The following ANKS1B variants were observed in gnomAD, a reference collection of about 807,000 sequenced individuals.
The protein encoded by ANKS1B is ankyrin repeat and sterile alpha motif domain containing 1B.
A neutral mutation model predicts 148.3 loss-of-function variants in ANKS1B; 36 were observed. That is an observed-to-expected ratio of 0.24 (90% CI 0.19 to 0.32). The LOEUF is 0.32. ANKS1B is among the 10% of genes least tolerant of loss of function. The pLI is 1.00. For missense variants in ANKS1B, 1,157 were observed against 1,542.6 expected (o/e 0.75, Z 4.19); for synonymous variants, 542 against 560.8 (o/e 0.97, Z 0.47).
chr12:99,581,897 CAAAA>C (rs369048602), intron 9 of ANKS1B, among the ~76,000 whole-genome samples: 2 of 60,760 alleles, frequency 3.3e-5, no homozygotes. Flanking sequence ...GACTCCGTCT[CAAAA>C]AAAAAAAAAA....
chr12:99,944,818 C>G (rs922831744), intron 1 of ANKS1B, among the ~76,000 whole-genome samples: 1 of 151,994 alleles, frequency 6.6e-6, no homozygotes, highest in Non-Finnish European at 1.5e-5. Context: ...TGCCTTCTTG[C>G]TAGGGATTGC....
chr12:99,598,992 A>G (rs2153276238), intron 9 of ANKS1B, among the ~76,000 whole-genome samples: 1 of 152,064 alleles, frequency 6.6e-6, no homozygotes, highest in South Asian at 2.1e-4. Flanking sequence ...GCTTCTGGTG[A>G]CTGCCAGCAT....
intron 9 of ANKS1B, among the ~76,000 whole-genome samples, chr12:99,570,599 A>T (rs1375795287): frequency 1.3e-5 from 2 of 150,416 alleles, no homozygotes; most frequent in African/African-American, 4.9e-5. Flanking sequence ...GTGAGCTAAG[A>T]TTGGCCACTG....
At chr12:99,265,331 G>A (rs1314175633) in intron 12 of ANKS1B, among the ~76,000 whole-genome samples, 1 of 152,146 alleles carries the variant, frequency 6.6e-6, no homozygotes, top group African/African-American at 2.4e-5. Flanking sequence ...CACTAGAAAT[G>A]CATATTCTTA....
Position 98,801,142 on chromosome 12 carries a change from T to C in ANKS1B, c.3142-17A>G. 1.2e-6 allele frequency: 2 copies of C among 1,610,678 alleles called. No individual in the cohort carries two copies. The highest frequency in any genetic ancestry group is 1.7e-6 in the Non-Finnish European group (2 of 1,178,294). On this transcript the variant is annotated splice_polypyrimidine_tract_variant and intron_variant, in intron 20 of 26. Transcript: ENST00000683438. This position sits in a 1 kb window ranked among gnomAD's most constrained non-coding sequence, Gnocchi z 5.2. ...GTCTCCTGTCTGAAAATGACATTTATTCTAGAGGCAATATGAGCAGTCAGC... is the reference window on the plus strand; with the variant it reads ...GTCTCCTGTCTGAAAATGACATTTACTCTAGAGGCAATATGAGCAGTCAGC...
intron 17 of ANKS1B, among the ~76,000 whole-genome samples, chr12:98,944,302 C>CAAAAAAAAAA (rs11313441): frequency 1.1e-5 from 1 of 88,042 alleles, no homozygotes; most frequent in African/African-American, 4.1e-5. Flanking sequence ...CTCCACCTCA[C>CAAAAAAAAAA]AAAAAAAAAA....
intron 1 of ANKS1B, among the ~76,000 whole-genome samples, chr12:99,958,243 C>T (rs1157155631): frequency 6.6e-6 from 1 of 152,038 alleles, no homozygotes; most frequent in Non-Finnish European, 1.5e-5. Flanking sequence ...GGAATTGAGT[C>T]GGGTTGGAGA....
At chr12:99,735,717 T>C (rs1332109784) in intron 8 of ANKS1B, among the ~76,000 whole-genome samples, 5 of 148,440 alleles carry the variant, frequency 3.4e-5, no homozygotes, top group African/African-American at 1.2e-4. Flanking sequence ...CCTCAAACTA[T>C]TCCAAAAAAA....
At chr12:99,612,313 A>G (rs1321440301) in intron 9 of ANKS1B, among the ~76,000 whole-genome samples, 1 of 152,166 alleles carries the variant, frequency 6.6e-6, no homozygotes, top group Non-Finnish European at 1.5e-5. Context: ...AACAACCACC[A>G]CCACAAAATA....
intron 17 of ANKS1B, among the ~76,000 whole-genome samples, chr12:98,990,033 A>C (rs1271375965): frequency 6.6e-6 from 1 of 152,104 alleles, no homozygotes; most frequent in African/African-American, 2.4e-5. Flanking sequence ...AAAGAAAGAA[A>C]AACAGAAAGA....
chr12:99,846,913 A>C (rs2086756511), intron 1 of ANKS1B, among the ~76,000 whole-genome samples: 1 of 152,062 alleles, frequency 6.6e-6, no homozygotes, highest in African/African-American at 2.4e-5. Context: ...CTCCCCTCCC[A>C]TAGGTGTAGA....
chr12:99,512,911 A>G (rs7309073), intron 9 of ANKS1B, among the ~76,000 whole-genome samples: 37,509 of 151,784 alleles, frequency 0.25, 5,166 homozygotes, highest in African/African-American at 0.38. Context: ...GGAGGCAGGG[A>G]GAGGAGACCG....
rs1368946805 is a variant in ANKS1B, at chr12:99,213,811, G to A, written c.2419+30531C>T. Among the ~76,000 whole-genome samples, 5 of 152,162 alleles carry A rather than the reference G, an allele frequency of 3.3e-5. No homozygotes were observed. In the South Asian group the frequency reaches 1.0e-3, roughly 31 times the overall value. On this transcript the variant is annotated intron_variant, in intron 14 of 26. Transcript: ENST00000683438. ...AATAGCAGTCATCATAGTTGTTTCT[G>A]CCTTCACCTGAGTATCAAATACACC...
At chr12:99,614,959 C>G (rs2097939828) in intron 9 of ANKS1B, among the ~76,000 whole-genome samples, 1 of 150,804 alleles carries the variant, frequency 6.6e-6, no homozygotes, top group Admixed American at 6.6e-5. Context: ...CAAGAAATCT[C>G]AAGGATCTCC....
At chr12:99,921,453 G>A (rs2094349808) in intron 1 of ANKS1B, among the ~76,000 whole-genome samples, 1 of 152,126 alleles carries the variant, frequency 6.6e-6, no homozygotes, top group African/African-American at 2.4e-5. Flanking sequence ...GTTATTTACA[G>A]CAGTGTGAAA....
chr12:99,116,148 T>C (rs933961153), intron 15 of ANKS1B, among the ~76,000 whole-genome samples: 4 of 152,152 alleles, frequency 2.6e-5, no homozygotes, highest in Non-Finnish European at 1.5e-5. Context: ...TAGGATAATA[T>C]CTGACACATA....
intron 14 of ANKS1B, among the ~76,000 whole-genome samples, chr12:99,178,995 A>G (rs985360498): frequency 3.9e-5 from 6 of 152,234 alleles, no homozygotes; most frequent in Admixed American, 1.3e-4. Flanking sequence ...TATAGAGACA[A>G]TGTAGAAAAA....
At chr12:99,087,035 T>C (rs987402965) in intron 15 of ANKS1B, among the ~76,000 whole-genome samples, 3 of 152,124 alleles carry the variant, frequency 2.0e-5, no homozygotes, top group Non-Finnish European at 2.9e-5. Context: ...TTGCAAACTA[T>C]CAGGAAGTTT....
chr12:99,553,129 A>C lies in ANKS1B; in HGVS notation c.1273-48488T>G, dbSNP rs557361011. 9.1e-4 allele frequency among the ~76,000 whole-genome samples: 138 copies of C among 152,180 alleles called. 1 individual carries two copies. The highest frequency in any genetic ancestry group is 3.2e-3 in the African/African-American group (133 of 41,474). On this transcript the variant is annotated intron_variant, in intron 9 of 26. Coordinates refer to ENST00000683438, the MANE Select transcript of ANKS1B (RefSeq NM_001352186.2). ...CATTCATGCATATATTTTTCACAAT[A>C]GTTGGAGCTTCAATGTAAAATAAAG...
Sources: allele counts gnomAD v4.1 joint callset (sites outside exome capture counted in the v4.1 genomes callset), GRCh38; gene constraint gnomAD v4.1.1; non-coding constraint Gnocchi (gnomAD v3.1); transcripts MANE v1.5; gene names NCBI Gene and HGNC (gene_info 2026-07-23, HGNC 2026-07-21).